The following WDFY4 variants were observed in gnomAD, a reference collection of about 807,000 sequenced individuals.
WDFY4 encodes the protein WD repeat- and FYVE domain-containing protein 4.
A neutral mutation model predicts 351.9 loss-of-function variants in WDFY4; 169 were observed. The observed-to-expected ratio is 0.48, with a 90% CI of 0.42 to 0.55. The LOEUF (loss-of-function observed/expected upper bound fraction) is 0.55, where lower values mean the gene tolerates loss of function less well. WDFY4 is among the 20% of genes least tolerant of loss of function. WDFY4 has a pLI of 0.00. For missense variants in WDFY4, 3,803 were observed against 3,935.6 expected, an observed-to-expected ratio of 0.97 and a Z score of 0.90; for synonymous variants, 1,622 against 1,574.6, an observed-to-expected ratio of 1.03 and a Z score of -0.71.
At chr10:48,818,894 C>G (rs1457435221) in intron 32 of WDFY4, among the ~76,000 whole-genome samples, 1 of 152,204 alleles carries the variant, frequency 6.6e-6, no homozygotes, top group Admixed American at 6.5e-5. Flanking sequence ...GCGCAGGCAG[C>G]CTGGCCAGGG....
intron 57 of WDFY4, among the ~76,000 whole-genome samples, chr10:48,974,653 A>G (rs1481698991): frequency 6.6e-6 from 1 of 151,910 alleles, no homozygotes; most frequent in Non-Finnish European, 1.5e-5. Context: ...CAGAGCCTCC[A>G]CCCCTGGAGA....
chr10:48,707,108 AG>A (rs2063652082), intron 1 of WDFY4, among the ~76,000 whole-genome samples: 1 of 152,224 alleles, frequency 6.6e-6, no homozygotes, highest in African/African-American at 2.4e-5. Context: ...AAATAAGCAA[AG>A]GTTATGAGTA....
At chr10:48,963,792 T>C in intron 53 of WDFY4, 50 bp from the exon 54 acceptor site, 10 of 1,525,956 alleles carry the variant, frequency 6.6e-6, no homozygotes, top group Non-Finnish European at 8.9e-6. Flanking sequence ...AGCGAGTGCA[T>C]GAGTCCATGA....
intron 54 of WDFY4, 99 bp downstream of exon 54, chr10:48,964,153 G>A (rs1841979488): frequency 7.6e-7 from 1 of 1,314,688 alleles, no homozygotes. Flanking sequence ...TGGCTGAAGA[G>A]GTGAAATGGT....
chr10:48,762,795 C>A (rs142406304), intron 13 of WDFY4, among the ~76,000 whole-genome samples: 2 of 152,214 alleles, frequency 1.3e-5, no homozygotes, highest in African/African-American at 4.8e-5. Context: ...TGGCTCCGGG[C>A]CCCCACAGGC....
chr10:48,898,291 C>T (rs1837189957), intron 45 of WDFY4, among the ~76,000 whole-genome samples: 1 of 152,106 alleles, frequency 6.6e-6, no homozygotes, highest in Non-Finnish European at 1.5e-5. Flanking sequence ...CTTCAGGGGC[C>T]CCCAGTGACA....
At chr10:48,822,182 G>T in intron 34 of WDFY4, among the ~76,000 whole-genome samples, 198 bp from the exon 35 acceptor site, 1 of 152,204 alleles carries the variant, frequency 6.6e-6, no homozygotes, top group East Asian at 1.9e-4. Context: ...TTATGTCGCT[G>T]ACCAGATTAC....
chr10:48,808,053 G>A (rs2067318266), intron 28 of WDFY4, 95 bp downstream of exon 28: 2 of 1,053,430 alleles, frequency 1.9e-6, no homozygotes, highest in South Asian at 2.0e-5. Flanking sequence ...GCATCTCTGA[G>A]TCTGTTTTCT....
intron 51 of WDFY4, among the ~76,000 whole-genome samples, chr10:48,956,628 G>A (rs1009301205): frequency 1.3e-5 from 2 of 152,118 alleles, no homozygotes; most frequent in African/African-American, 2.4e-5. Flanking sequence ...CACTTCCGGG[G>A]CGCCTCTCCA....
intron 35 of WDFY4, chr10:48,823,502 A>G (rs1361277558): frequency 8.7e-7 from 1 of 1,151,106 alleles, no homozygotes; most frequent in Admixed American, 3.8e-5. Flanking sequence ...GGGCCTCTTC[A>G]CAGTTTCTAG....
chr10:48,709,570 G>A lies in WDFY4; in HGVS notation c.-17-146G>A, dbSNP rs914078934. On this transcript the variant is annotated intron_variant, in intron 1 of 61. Transcript: ENST00000325239. ...AAATCTGAATCCCCTTTTTAAAAAG[G>A]CTTCCTTATTTTAGTCTGTTTCAGA... 56 of 672,368 alleles carry A rather than the reference G, an allele frequency of 8.3e-5. No individual in the cohort carries two copies. The East Asian group carries it at 1.4e-3, about 16-fold the overall frequency. 41.7% of individuals were successfully genotyped at this position (672,368 alleles called of 1,614,324 possible).
intron 59 of WDFY4, among the ~76,000 whole-genome samples, chr10:48,977,320 CTT>C (rs1564545888): frequency 6.6e-6 from 1 of 152,082 alleles, no homozygotes; most frequent in African/African-American, 2.4e-5. Context: ...TCAAACCAAA[CTT>C]GCCCACCCAT....
chr10:48,703,751 G>A (rs1210927860), intron 1 of WDFY4, among the ~76,000 whole-genome samples: 1 of 152,236 alleles, frequency 6.6e-6, no homozygotes, highest in Non-Finnish European at 1.5e-5. Context: ...TTACTTAGCA[G>A]CCCAAATATC....
At chr10:48,730,341 G>A (rs988592675) in intron 8 of WDFY4, among the ~76,000 whole-genome samples, 7 of 152,216 alleles carry the variant, frequency 4.6e-5, no homozygotes, top group African/African-American at 1.7e-4. Context: ...GTTAAGAAGG[G>A]CCATTGGATG....
chr10:48,906,869 A>G (rs1206414844), intron 47 of WDFY4, among the ~76,000 whole-genome samples: 1 of 152,228 alleles, frequency 6.6e-6, no homozygotes. Context: ...GACTAAGAAA[A>G]CTAAAACAAA....
intron 11 of WDFY4, among the ~76,000 whole-genome samples, chr10:48,737,332 A>G (rs1290733015): frequency 6.6e-6 from 1 of 152,098 alleles, no homozygotes; most frequent in African/African-American, 2.4e-5. Flanking sequence ...TTTCATTAAC[A>G]TGATATATTT....
chr10:48,689,973 C>T (rs1252499373), intron 1 of WDFY4, among the ~76,000 whole-genome samples: 1 of 152,172 alleles, frequency 6.6e-6, no homozygotes, highest in East Asian at 1.9e-4. Flanking sequence ...CTAGTTCCAC[C>T]TGATTTTAAA....
chr10:48,869,919 C>A (rs1420033705), intron 40 of WDFY4, among the ~76,000 whole-genome samples: 1 of 152,162 alleles, frequency 6.6e-6, no homozygotes, highest in Non-Finnish European at 1.5e-5. Flanking sequence ...GGAAACTCAA[C>A]TCAGACTGCC....
intron 2 of WDFY4, among the ~76,000 whole-genome samples, chr10:48,716,763 G>A (rs986886420): frequency 6.6e-6 from 1 of 152,228 alleles, no homozygotes; most frequent in African/African-American, 2.4e-5. Flanking sequence ...AGATGCTTCT[G>A]AGTCAAATGC....
Sources: allele counts gnomAD v4.1 joint callset (sites outside exome capture counted in the v4.1 genomes callset), GRCh38; gene constraint gnomAD v4.1.1; transcripts MANE v1.5; gene names NCBI Gene and HGNC (gene_info 2026-07-23, HGNC 2026-07-21).